Variants in WDR25 observed in about 807,000 individuals in gnomAD.
WDR25 encodes WD repeat-containing protein 25.
In WDR25, 35 loss-of-function variants were observed where a neutral mutation model predicts 47.7. The observed-to-expected ratio is 0.73, with a 90% CI of 0.56 to 0.97. The LOEUF is 0.97. WDR25 is among the 50% of genes least tolerant of loss of function. WDR25 has a pLI of 0.00. For missense variants in WDR25, 634 were observed against 704.7 expected (o/e 0.90, Z 1.14); for synonymous variants, 248 against 278.9 (o/e 0.89, Z 1.10).
At chr14:100,462,010 T>C (rs1461542986) in intron 2 of WDR25, among the ~76,000 whole-genome samples, 1 of 152,110 alleles carries the variant, frequency 6.6e-6, no homozygotes, top group Non-Finnish European at 1.5e-5. Context: ...TGGGATTTTG[T>C]TTTTGCACTT....
intron 2 of WDR25, among the ~76,000 whole-genome samples, chr14:100,463,408 G>A (rs1164375016): frequency 6.6e-6 from 1 of 152,182 alleles, no homozygotes; most frequent in Non-Finnish European, 1.5e-5. Flanking sequence ...TCTTCTCTAC[G>A]CTTCCAGGAC....
At chr14:100,416,571 C>T (rs1897875664) in intron 2 of WDR25, among the ~76,000 whole-genome samples, 1 of 152,146 alleles carries the variant, frequency 6.6e-6, no homozygotes, top group Non-Finnish European at 1.5e-5. Context: ...TCCTTCTTTT[C>T]AGGCAAAGTC....
chr14:100,494,207 G>A (rs536401981), intron 4 of WDR25, among the ~76,000 whole-genome samples: 2 of 152,338 alleles, frequency 1.3e-5, no homozygotes, highest in South Asian at 2.1e-4. Flanking sequence ...TTATAGGCGT[G>A]AGCCACTACA....
intron 2 of WDR25, among the ~76,000 whole-genome samples, chr14:100,459,201 A>G (rs570648800): frequency 1.5e-4 from 23 of 152,368 alleles, no homozygotes; most frequent in African/African-American, 5.3e-4. Flanking sequence ...ACCTAATTAT[A>G]GATACTGCAG....
At chr14:100,422,638 G>A (rs1358638798) in intron 2 of WDR25, among the ~76,000 whole-genome samples, 1 of 152,192 alleles carries the variant, frequency 6.6e-6, no homozygotes, top group Non-Finnish European at 1.5e-5. Context: ...GCGACCACAT[G>A]TTGCCAGCTT....
At chr14:100,413,492 C>T (rs947572866) in intron 2 of WDR25, among the ~76,000 whole-genome samples, 5 of 151,864 alleles carry the variant, frequency 3.3e-5, no homozygotes, top group East Asian at 3.9e-4. Flanking sequence ...CGGCTCACTG[C>T]GACCTCCGCC....
Position 100,529,869 on chromosome 14 carries a change from T to C in WDR25, c.1463T>C (p.Leu488Pro). The change falls in exon 7 of 7, where the codon CTG (leucine) becomes CCG (proline). Residue 488 changes from leucine (L) to proline (P), a missense_variant. By Grantham distance (98) the Leu-to-Pro change is moderately conservative. Transcript: ENST00000402312. This position sits in a 1 kb window ranked among gnomAD's most constrained non-coding sequence, Gnocchi z 5.1. ...GCECSPGGDLLVTGSADGRVL... is the reference protein window; with the variant it reads ...GCECSPGGDLPVTGSADGRVL... Reference sequence around the variant, plus strand: ...GAGTGCTCCCCAGGCGGTGACTTGCTGGTGACGGGCAGCGCCGATGGCCGG... The same window carrying C: ...GAGTGCTCCCCAGGCGGTGACTTGCCGGTGACGGGCAGCGCCGATGGCCGG... 6.2e-7 allele frequency: 1 copy of C among 1,613,280 alleles called. No homozygotes were observed. The highest frequency in any genetic ancestry group is 8.5e-7 in the Non-Finnish European group (1 of 1,180,014).
chr14:100,500,792 G>A lies in WDR25; in HGVS notation c.1101+16668G>A, dbSNP rs1595151263. ...GCTTTTCAGAGTTGGGCTGCTCTTG[G>A]GGGTGGCTGCATTGTTAGAGCCTAG... On this transcript the variant is annotated intron_variant, in intron 4 of 6. Transcript: ENST00000402312. The surrounding 1 kb of genome is among the most constrained non-coding windows in gnomAD (Gnocchi z 4.7). 6.6e-6 allele frequency among the ~76,000 whole-genome samples: 1 copy of A among 152,214 alleles called. No homozygotes were observed. Among genetic ancestry groups the A allele is most frequent in the African/African-American group, 2.4e-5 (1 of 41,448 alleles).
At position 100,430,291 on chromosome 14, in the gene WDR25, G is replaced by C. The variant is rs966062689; in HGVS notation, c.823-37730G>C. On this transcript the variant is annotated intron_variant, in intron 2 of 6. Coordinates refer to ENST00000402312, the MANE Select transcript of WDR25 (RefSeq NM_001161476.3). This position sits in a 1 kb window ranked among gnomAD's most constrained non-coding sequence, Gnocchi z 4.7. ...TGCCCAGCCAGTCAGAGTCACCTCC[G>C]GACCTCCTGCTTCCTGATCTCCTCA... 6.6e-6 allele frequency among the ~76,000 whole-genome samples: 1 copy of C among 151,950 alleles called. No homozygotes were observed. The highest frequency in any genetic ancestry group is 6.6e-5 in the Admixed American group (1 of 15,240).
chr14:100,457,582 A>C (rs183390638), intron 2 of WDR25, among the ~76,000 whole-genome samples: 5 of 152,366 alleles, frequency 3.3e-5, no homozygotes, highest in Admixed American at 6.5e-5. Context: ...TCCTTGACAC[A>C]GAAGGAAAAT....
intron 4 of WDR25, among the ~76,000 whole-genome samples, chr14:100,517,547 CAT>C (rs889613027): frequency 2.6e-5 from 4 of 152,094 alleles, no homozygotes; most frequent in Non-Finnish European, 5.9e-5. Context: ...TCAAGTAAAA[CAT>C]ATGATTCTTC....
chr14:100,482,252 A>C (rs1900229851), intron 3 of WDR25, among the ~76,000 whole-genome samples: 1 of 152,184 alleles, frequency 6.6e-6, no homozygotes, highest in East Asian at 1.9e-4. Context: ...AATCACAAAA[A>C]GTTCCCTACA....
chr14:100,401,958 G>A lies in WDR25; in HGVS notation c.822+20212G>A, dbSNP rs1897393433. 2.6e-5 allele frequency among the ~76,000 whole-genome samples: 4 copies of A among 152,240 alleles called. 1 individual carries two copies. The highest frequency in any genetic ancestry group is 7.2e-5 in the African/African-American group (3 of 41,470). ...ACCTCCTGGGGTACAACTGGCATTA[G>A]CAGGTGCTGATGAAGGAGTAGGAAG... On this transcript the variant is annotated intron_variant, in intron 2 of 6. Coordinates refer to ENST00000402312, the MANE Select transcript of WDR25 (RefSeq NM_001161476.3).
At chr14:100,444,461 C>A (rs79819803) in intron 2 of WDR25, among the ~76,000 whole-genome samples, 124 of 152,326 alleles carry the variant, frequency 8.1e-4, no homozygotes, top group African/African-American at 2.9e-3. Flanking sequence ...GTCAGGCCTG[C>A]TGGTCCCCCT....
chr14:100,485,861 T>G (rs970728951), intron 4 of WDR25, among the ~76,000 whole-genome samples: 1 of 152,186 alleles, frequency 6.6e-6, no homozygotes, highest in Non-Finnish European at 1.5e-5. Flanking sequence ...GCAGAGACTT[T>G]TCTTGACAGA....
At chr14:100,380,656 G>T (rs142558361) in intron 1 of WDR25, among the ~76,000 whole-genome samples, 11 of 151,642 alleles carry the variant, frequency 7.3e-5, no homozygotes, top group African/African-American at 2.7e-4. Context: ...ACCCTGCCTC[G>T]CTACTTTTTG....
At chr14:100,427,208 C>T (rs922720334) in intron 2 of WDR25, among the ~76,000 whole-genome samples, 1 of 152,100 alleles carries the variant, frequency 6.6e-6, no homozygotes, top group Non-Finnish European at 1.5e-5. Flanking sequence ...TTCCTTCCTC[C>T]TACTCTCTTC....
chr14:100,380,347 C>T (rs946175702), intron 1 of WDR25, among the ~76,000 whole-genome samples: 4 of 152,298 alleles, frequency 2.6e-5, no homozygotes, highest in African/African-American at 9.6e-5. Flanking sequence ...TGCACCCAGA[C>T]TTACTATAAG....
intron 2 of WDR25, among the ~76,000 whole-genome samples, chr14:100,409,050 C>T (rs1164071170): frequency 6.6e-6 from 1 of 152,130 alleles, no homozygotes; most frequent in Non-Finnish European, 1.5e-5. Flanking sequence ...GCTCTGGGGA[C>T]TCCAAGGGCT....
Sources: gnomAD v4.1 joint callset for allele counts (sites outside exome capture counted in the v4.1 genomes callset) on GRCh38, gnomAD v4.1.1 for gene constraint, Gnocchi (gnomAD v3.1) non-coding constraint, MANE v1.5 for transcripts, NCBI Gene and HGNC (gene_info 2026-07-23, HGNC 2026-07-21) for gene names.